Variants in RNF185 observed in about 807,000 individuals in gnomAD.
The protein encoded by RNF185 is E3 ubiquitin-protein ligase RNF185.
Under a neutral mutation model 24.9 loss-of-function variants are expected in RNF185, and 13 were observed. The observed-to-expected ratio is 0.52, with a 90% confidence interval of 0.34 to 0.83. The LOEUF (loss-of-function observed/expected upper bound fraction) is 0.83. Among genes scored for constraint, RNF185 ranks in the 40% least tolerant of loss-of-function variants. RNF185 has a pLI of 0.01. For missense variants in RNF185, 184 were observed against 244.7 expected (o/e 0.75, Z 1.65); for synonymous variants, 79 against 90.3 (o/e 0.88, Z 0.71).
chr22:31,166,672 CAG>C (rs1280314614), intron 1 of RNF185, among the ~76,000 whole-genome samples: 3 of 148,276 alleles, frequency 2.0e-5, no homozygotes, highest in Non-Finnish European at 3.0e-5. Context: ...CTTCTCGAGA[CAG>C]AGTCTGGCTC....
intron 1 of RNF185, among the ~76,000 whole-genome samples, chr22:31,165,532 A>G (rs1194624676): frequency 1.3e-5 from 2 of 152,166 alleles, no homozygotes; most frequent in East Asian, 3.8e-4. Flanking sequence ...TTGACCTGCA[A>G]ATTCTGAGGC....
intron 1 of RNF185, among the ~76,000 whole-genome samples, chr22:31,174,845 G>A (rs536020519): frequency 3.9e-5 from 6 of 152,028 alleles, no homozygotes; most frequent in Admixed American, 2.0e-4. Context: ...CGAGGTGGGC[G>A]GATCACCTGA....
intron 1 of RNF185, among the ~76,000 whole-genome samples, chr22:31,174,741 C>T (rs967631498): frequency 2.6e-5 from 4 of 151,488 alleles, no homozygotes; most frequent in East Asian, 2.0e-4. Flanking sequence ...AAGCTTAAAA[C>T]CCAACAAATG....
intron 2 of RNF185, among the ~76,000 whole-genome samples, chr22:31,191,808 C>G (rs1035054102): frequency 1.6e-5 from 1 of 61,554 alleles, no homozygotes; most frequent in Non-Finnish European, 3.0e-5. Context: ...GCTTGGGCAA[C>G]AAGAACAAAA....
At chr22:31,189,262 T>C (rs2048131611) in intron 2 of RNF185, among the ~76,000 whole-genome samples, 1 of 146,588 alleles carries the variant, frequency 6.8e-6, no homozygotes, top group African/African-American at 2.5e-5. Flanking sequence ...TATATTTAAA[T>C]GTACAGCTGT....
rs531624705 is a variant in RNF185, at chr22:31,189,985, G to A, written c.177-2699G>A. ...TCCAGTCTGGATGGTGCATCCCTGA[G>A]CAAATCTGCTAGCTTCCCTGTACTT... is the stretch of plus-strand genomic sequence containing the variant. On this transcript the variant is annotated intron_variant, in intron 2 of 6. Transcript: ENST00000326132. Among the ~76,000 whole-genome samples the A allele has an allele frequency of 3.9e-5, 6 of 152,298 alleles. No individual in the cohort carries two copies. In the South Asian group the frequency reaches 1.2e-3, roughly 32 times the overall value.
chr22:31,163,735 G>A (rs1035638409), intron 1 of RNF185, among the ~76,000 whole-genome samples: 8 of 150,628 alleles, frequency 5.3e-5, no homozygotes, highest in Non-Finnish European at 1.2e-4. Flanking sequence ...GTGCAGTGGC[G>A]CAATCTCGGC....
chr22:31,185,424 T>C (rs576072721), intron 1 of RNF185, among the ~76,000 whole-genome samples: 1 of 152,300 alleles, frequency 6.6e-6, no homozygotes, highest in South Asian at 2.1e-4. Context: ...GACCTTCTGG[T>C]GTTCCAGTGG....
intron 2 of RNF185, among the ~76,000 whole-genome samples, chr22:31,190,742 T>G (rs2048148306): frequency 6.6e-6 from 1 of 151,842 alleles, no homozygotes; most frequent in South Asian, 2.1e-4. Flanking sequence ...TAGCTGGGAT[T>G]ACAGGCATGT....
intron 5 of RNF185, among the ~76,000 whole-genome samples, chr22:31,199,352 GA>G (rs983219824): frequency 5.9e-5 from 9 of 152,262 alleles, no homozygotes; most frequent in African/African-American, 1.9e-4. Flanking sequence ...GGCTGGTATT[GA>G]AGTCTCTGCT....
chr22:31,183,428 C>T (rs1243065503), intron 1 of RNF185, among the ~76,000 whole-genome samples: 5 of 149,746 alleles, frequency 3.3e-5, no homozygotes, highest in Admixed American at 2.0e-4. Flanking sequence ...GGGTGTTTCT[C>T]GGAGAGGGGG....
At chr22:31,204,088 T>C (rs2048290913) in intron 6 of RNF185, among the ~76,000 whole-genome samples, 1 of 148,344 alleles carries the variant, frequency 6.7e-6, no homozygotes, top group Non-Finnish European at 1.5e-5. Context: ...CTCATGCCTG[T>C]AATCCCAGCA....
intron 2 of RNF185, among the ~76,000 whole-genome samples, chr22:31,189,887 CCTG>C (rs779230163): frequency 2.6e-5 from 4 of 152,156 alleles, no homozygotes; most frequent in African/African-American, 4.8e-5. Flanking sequence ...AGCCACCATG[CCTG>C]CTATCAATTT....
At chr22:31,178,582 G>A (rs1002924458) in intron 1 of RNF185, among the ~76,000 whole-genome samples, 1 of 152,168 alleles carries the variant, frequency 6.6e-6, no homozygotes, top group East Asian at 1.9e-4. Context: ...AAACAACAAC[G>A]AAAGGAAAAA....
intron 1 of RNF185, among the ~76,000 whole-genome samples, chr22:31,181,459 T>C (rs2048035846): frequency 6.6e-6 from 1 of 152,256 alleles, no homozygotes; most frequent in Non-Finnish European, 1.5e-5. Flanking sequence ...TCTTGTTTCA[T>C]CTTTTCTCTC....
intron 1 of RNF185, among the ~76,000 whole-genome samples, chr22:31,170,260 C>T (rs141615216): frequency 1.4e-3 from 211 of 152,206 alleles, no homozygotes; most frequent in African/African-American, 4.6e-3. Context: ...GCAATCTCTG[C>T]TCACTGCAAG....
At chr22:31,185,284 C>G (rs1355605681) in intron 1 of RNF185, among the ~76,000 whole-genome samples, 2 of 152,074 alleles carry the variant, frequency 1.3e-5, no homozygotes, top group African/African-American at 4.8e-5. Flanking sequence ...GAGCTGGTAT[C>G]GTGGTGAGGG....
At chr22:31,174,898 G>A (rs1047414422) in intron 1 of RNF185, among the ~76,000 whole-genome samples, 1 of 151,286 alleles carries the variant, frequency 6.6e-6, no homozygotes, top group Non-Finnish European at 1.5e-5. Context: ...GCTGAAACTC[G>A]GCCTCTACGA....
At chr22:31,202,607 CTTTTTTT>C (rs71202049) in intron 6 of RNF185, among the ~76,000 whole-genome samples, 1 of 83,760 alleles carries the variant, frequency 1.2e-5, no homozygotes, top group Non-Finnish European at 2.1e-5. Context: ...TTGGGAATGC[CTTTTTTT>C]TTTTTTTTTT....
Sources: allele counts gnomAD v4.1 joint callset (sites outside exome capture counted in the v4.1 genomes callset), GRCh38; gene constraint gnomAD v4.1.1; transcripts MANE v1.5; gene names NCBI Gene and HGNC (gene_info 2026-07-23, HGNC 2026-07-21).